Variants in NFYC observed in about 807,000 individuals in gnomAD.
NFYC encodes CAAT box DNA-binding protein subunit C.
In NFYC, 25 loss-of-function variants were observed where a neutral mutation model predicts 53.1. The ratio of observed to expected loss-of-function variants is 0.47; its 90% CI spans 0.34 to 0.66. NFYC has a LOEUF of 0.66. Among genes scored for constraint, NFYC ranks in the 30% least tolerant of loss-of-function variants. NFYC has a pLI of 0.01. For missense variants in NFYC, 260 were observed against 422.7 expected (o/e 0.62, Z 3.38); for synonymous variants, 145 against 152.6 (o/e 0.95, Z 0.37).
intron 1 of NFYC, among the ~76,000 whole-genome samples, chr1:40,715,509 C>T (rs1243317318): frequency 6.6e-6 from 1 of 152,074 alleles, no homozygotes. Flanking sequence ...TCCCAAAGCA[C>T]TGGCATTTAC....
intron 5 of NFYC, chr1:40,754,311 C>T (rs777642922): frequency 5.4e-5 from 29 of 534,134 alleles, no homozygotes; most frequent in Middle Eastern, 3.5e-4. Context: ...TCTGTCACCT[C>T]CTTACTAGAG....
chr1:40,707,147 G>A (rs1199168640), intron 1 of NFYC, among the ~76,000 whole-genome samples: 1 of 151,306 alleles, frequency 6.6e-6, no homozygotes, highest in African/African-American at 2.4e-5. Context: ...TCTAGCCTAG[G>A]TGACAGAGGG....
rs771124567 is a variant in NFYC, at chr1:40,762,932, G to C, written c.606G>C (p.Gln202His). 1.2e-6 allele frequency: 2 copies of C among 1,610,850 alleles called. No homozygotes were observed. The highest frequency in any genetic ancestry group is 2.2e-5 in the East Asian group (1 of 44,608). ...TMQVGEGQQVQIVQAQPQGQA... is the reference protein window; with the variant it reads ...TMQVGEGQQVHIVQAQPQGQA... Reference sequence around the variant, plus strand: ...AGGTTGGAGAAGGTCAGCAGGTGCAGATTGTCCAGGCTCAGCCACAGGGTC... The same window carrying C: ...AGGTTGGAGAAGGTCAGCAGGTGCACATTGTCCAGGCTCAGCCACAGGGTC... Residue 202 changes from glutamine (Q) to histidine (H), a missense_variant, in exon 7 of 10, where the codon CAG (glutamine) becomes CAC (histidine). Gln to His is a conservative substitution (Grantham distance 24, BLOSUM62 0). Transcript: ENST00000447388.
chr1:40,760,239 G>A lies in NFYC; in HGVS notation c.561+1945G>A, dbSNP rs1646468627. Among the ~76,000 whole-genome samples the A allele has an allele frequency of 2.6e-5, 4 of 152,262 alleles. 1 individual carries two copies. The South Asian group carries it at 8.3e-4, about 32-fold the overall frequency. ...CCCACAGTGGTGGGATGACAGGCATGAGCCACCATGCCCAGTTAGGAGGTA... is the reference window on the plus strand; with the variant it reads ...CCCACAGTGGTGGGATGACAGGCATAAGCCACCATGCCCAGTTAGGAGGTA... On this transcript the variant is annotated intron_variant, in intron 6 of 9. Coordinates refer to ENST00000447388, the MANE Select transcript of NFYC (RefSeq NM_014223.5).
intron 1 of NFYC, among the ~76,000 whole-genome samples, chr1:40,705,283 T>G (rs1643640870): frequency 6.6e-6 from 1 of 152,160 alleles, no homozygotes; most frequent in African/African-American, 2.4e-5. Flanking sequence ...CTCCCTATTC[T>G]TCTGCTCCCC....
intron 3 of NFYC, among the ~76,000 whole-genome samples, chr1:40,747,943 C>G (rs1217566822): frequency 6.6e-6 from 1 of 151,246 alleles, no homozygotes; most frequent in South Asian, 2.1e-4. Context: ...TCAGGCAATT[C>G]CCATGCCTCA....
chr1:40,739,025 A>G, intron 2 of NFYC, 77 bp downstream of exon 2: 1 of 1,002,712 alleles, frequency 1.0e-6, no homozygotes, highest in South Asian at 1.4e-5. Flanking sequence ...CAAAACTCAG[A>G]CTAAAGCATT....
chr1:40,734,182 C>G (rs1266060644), intron 1 of NFYC, among the ~76,000 whole-genome samples: 3 of 152,110 alleles, frequency 2.0e-5, no homozygotes, highest in African/African-American at 7.2e-5. Flanking sequence ...CACCCAGCCT[C>G]CTCTTACTTT....
At chr1:40,744,397 A>T (rs1316077230) in intron 2 of NFYC, among the ~76,000 whole-genome samples, 1 of 152,190 alleles carries the variant, frequency 6.6e-6, no homozygotes, top group Non-Finnish European at 1.5e-5. Context: ...CAGCCCCAAG[A>T]TTGAGAATCA....
At chr1:40,747,716 C>G in intron 3 of NFYC, 111 bp downstream of exon 3, 1 of 718,796 alleles carries the variant, frequency 1.4e-6, no homozygotes, top group Non-Finnish European at 2.3e-6. Context: ...ACAAAAATTA[C>G]TGTCTGTTGC....
chr1:40,696,069 AC>A (rs1409157419), intron 1 of NFYC, among the ~76,000 whole-genome samples: 1 of 145,774 alleles, frequency 6.9e-6, no homozygotes, highest in Non-Finnish European at 1.5e-5. Flanking sequence ...GTTTCCCCAG[AC>A]TGGAGTGCAA....
chr1:40,739,760 A>G (rs1330388952), intron 2 of NFYC, among the ~76,000 whole-genome samples: 1 of 152,244 alleles, frequency 6.6e-6, no homozygotes, highest in Non-Finnish European at 1.5e-5. Flanking sequence ...GTAAAAGTCA[A>G]GGAGCACAGA....
At chr1:40,758,063 T>C in intron 5 of NFYC, 58 bp from the exon 6 acceptor site, 1 of 1,591,056 alleles carries the variant, frequency 6.3e-7, no homozygotes, top group South Asian at 1.1e-5. Context: ...GGAAATTCAC[T>C]GTGGCGGCTG....
intron 1 of NFYC, chr1:40,735,686 C>G: frequency 2.0e-5 from 20 of 985,374 alleles, no homozygotes; most frequent in Non-Finnish European, 2.4e-5. Context: ...TCTCCTTTGA[C>G]CTTAGCAGTT....
At chr1:40,700,926 C>T (rs1306649059) in intron 1 of NFYC, among the ~76,000 whole-genome samples, 1 of 152,102 alleles carries the variant, frequency 6.6e-6, no homozygotes, top group African/African-American at 2.4e-5. Context: ...GCTTATTCTC[C>T]ACACTGTACC....
At chr1:40,703,480 T>TCAAAAAAAAAAAA (rs1643542566) in intron 1 of NFYC, among the ~76,000 whole-genome samples, 1 of 97,738 alleles carries the variant, frequency 1.0e-5, no homozygotes, top group Non-Finnish European at 1.9e-5. Context: ...CAATTAGCCC[T>TCAAAAAAAAAAAA]AAAAAAAAAA....
At chr1:40,718,438 C>T (rs572095757) in intron 1 of NFYC, among the ~76,000 whole-genome samples, 1 of 152,322 alleles carries the variant, frequency 6.6e-6, no homozygotes, top group Admixed American at 6.5e-5. Flanking sequence ...TCCATACTTG[C>T]TTCTCCCCTG....
intron 1 of NFYC, among the ~76,000 whole-genome samples, chr1:40,730,199 T>TC (rs1196319909): frequency 2.2e-5 from 3 of 136,872 alleles, no homozygotes; most frequent in African/African-American, 7.9e-5. Flanking sequence ...TCTTTTCTTT[T>TC]TTTTTTTTTT....
intron 1 of NFYC, among the ~76,000 whole-genome samples, chr1:40,722,796 T>G (rs547858223): frequency 6.6e-6 from 1 of 152,364 alleles, no homozygotes; most frequent in South Asian, 2.1e-4. Context: ...TTTATTTATT[T>G]ATGTATTTAC....
Sources: allele counts gnomAD v4.1 joint callset (sites outside exome capture counted in the v4.1 genomes callset), GRCh38; gene constraint gnomAD v4.1.1; transcripts MANE v1.5; gene names NCBI Gene and HGNC (gene_info 2026-07-23, HGNC 2026-07-21).